ALCAM: variants seen among roughly 807,000 people sequenced by gnomAD.
ALCAM encodes CD166 antigen.
ALCAM carries 30 observed loss-of-function variants against 70.9 expected under a neutral mutation model. The observed-to-expected ratio is 0.42, with a 90% CI of 0.32 to 0.57. The LOEUF is 0.57. ALCAM is among the 20% of genes least tolerant of loss of function. The pLI is 0.11. For missense variants in ALCAM, 591 were observed against 695.1 expected, an observed-to-expected ratio of 0.85 and a Z score of 1.68; for synonymous variants, 249 against 242.5, an observed-to-expected ratio of 1.03 and a Z score of -0.25.
intron 1 of ALCAM, among the ~76,000 whole-genome samples, chr3:105,455,383 A>C (rs1362714635): frequency 6.6e-6 from 1 of 150,580 alleles, no homozygotes; most frequent in Non-Finnish European, 1.5e-5. Context: ...CGGAGCTTGC[A>C]GTGAGCCGAG....
chr3:105,423,143 G>T (rs1936709922), intron 1 of ALCAM, among the ~76,000 whole-genome samples: 1 of 151,344 alleles, frequency 6.6e-6, no homozygotes, highest in Non-Finnish European at 1.5e-5. Context: ...AGTCTTTAGA[G>T]TAAGAGTTTT....
chr3:105,561,257 C>T (rs575722869), intron 14 of ALCAM, among the ~76,000 whole-genome samples: 70 of 152,160 alleles, frequency 4.6e-4, no homozygotes, highest in African/African-American at 1.6e-3. Context: ...TACTAAATTA[C>T]CTTGTTAGTA....
At chr3:105,452,383 T>A (rs991489665) in intron 1 of ALCAM, among the ~76,000 whole-genome samples, 3 of 152,214 alleles carry the variant, frequency 2.0e-5, no homozygotes, top group Admixed American at 6.5e-5. Context: ...TTCATCCATG[T>A]CCCTGCAAAG....
intron 1 of ALCAM, among the ~76,000 whole-genome samples, chr3:105,459,368 G>A (rs1257115207): frequency 6.6e-6 from 1 of 152,070 alleles, no homozygotes; most frequent in African/African-American, 2.4e-5. Context: ...CATGGTGTTT[G>A]TAACTTTTTG....
At chr3:105,540,368 C>G (rs1940086701) in intron 7 of ALCAM, among the ~76,000 whole-genome samples, 1 of 151,914 alleles carries the variant, frequency 6.6e-6, no homozygotes, top group South Asian at 2.1e-4. Context: ...TCCAAATAAA[C>G]TTTAAGAATC....
intron 1 of ALCAM, among the ~76,000 whole-genome samples, chr3:105,410,948 A>T (rs1013725295): frequency 6.6e-6 from 1 of 152,050 alleles, no homozygotes; most frequent in African/African-American, 2.4e-5. Context: ...AAGGAATTCC[A>T]TATTTGGTTT....
chr3:105,407,270 A>T (rs866779877), intron 1 of ALCAM, among the ~76,000 whole-genome samples: 4 of 152,106 alleles, frequency 2.6e-5, no homozygotes, highest in Non-Finnish European at 5.9e-5. Flanking sequence ...CAACAACAAA[A>T]AAAAAACAAC....
At chr3:105,481,171 A>T (rs146063846) in intron 1 of ALCAM, among the ~76,000 whole-genome samples, 400 of 152,236 alleles carry the variant, frequency 2.6e-3, no homozygotes, top group Non-Finnish European at 3.6e-3. Flanking sequence ...TAAGGAAAAA[A>T]TTGGTGGGGT....
chr3:105,564,351 A>G (rs1276099186), intron 14 of ALCAM, among the ~76,000 whole-genome samples: 2 of 152,186 alleles, frequency 1.3e-5, no homozygotes, highest in African/African-American at 4.8e-5. Flanking sequence ...CTCACAACAC[A>G]CTGTCATTAT....
rs540191090 is a variant in ALCAM, at chr3:105,563,719, C to T, written c.1665-8133C>T. 3.4e-3 allele frequency among the ~76,000 whole-genome samples: 408 copies of T among 121,638 alleles called. 4 individuals are homozygous for T. Among genetic ancestry groups the T allele is most frequent in the Admixed American group, 6.2e-3 (66 of 10,648 alleles). The allele number at this position is 121,638 out of a possible 152,430, so 79.8% of individuals were successfully genotyped here. The stretch of plus-strand genomic sequence containing the variant: ...TTTTTGAGACGGAGTCTCGCTCTGT[C>T]GCCCAGGCCGGACTGCGGACTGCAG... On this transcript the variant is annotated intron_variant, in intron 14 of 15. Transcript: ENST00000306107.
rs1350043544 is a variant in ALCAM at position 105,524,378 on chromosome 3, C to T, written c.264C>T (p.Asp88=). Residue 88 remains aspartate (D), a synonymous_variant, in exon 3 of 16, where the codon GAC becomes GAT. Transcript: ENST00000306107. ...ACGACGATGTACCAGAATACAAAGA[C>T]AGATTGAACCTCTCAGAAAACTACA... ...VQYDDVPEYK[D]RLNLSENYTL... 4.3e-6 allele frequency: 7 copies of T among 1,613,990 alleles called. No individual in the cohort carries two copies. Among genetic ancestry groups the T allele is most frequent in the Admixed American group, 3.3e-5 (2 of 60,004 alleles).
At chr3:105,379,402 C>A (rs1455742006) in intron 1 of ALCAM, among the ~76,000 whole-genome samples, 1 of 151,502 alleles carries the variant, frequency 6.6e-6, no homozygotes, top group African/African-American at 2.4e-5. Flanking sequence ...TGTCAAGTAA[C>A]CTTTCAGTTT....
chr3:105,550,034 A>T, intron 11 of ALCAM, 93 bp from the exon 12 acceptor site: 1 of 1,223,026 alleles, frequency 8.2e-7, no homozygotes. Flanking sequence ...TCTATAGAGC[A>T]CCACGCCTAT....
At chr3:105,563,878 G>A (rs1187779086) in intron 14 of ALCAM, among the ~76,000 whole-genome samples, 1 of 148,892 alleles carries the variant, frequency 6.7e-6, no homozygotes, top group African/African-American at 2.5e-5. Flanking sequence ...TAGTAGAGAC[G>A]GGGTTTCACC....
intron 1 of ALCAM, among the ~76,000 whole-genome samples, chr3:105,423,432 C>A (rs1270885888): frequency 6.8e-6 from 1 of 147,526 alleles, no homozygotes; most frequent in East Asian, 2.0e-4. Context: ...TTGAATAATT[C>A]TTTAACTTTG....
intron 1 of ALCAM, among the ~76,000 whole-genome samples, chr3:105,439,922 G>T (rs1937135126): frequency 1.3e-5 from 2 of 152,300 alleles, no homozygotes; most frequent in African/African-American, 4.8e-5. Flanking sequence ...TATAACATAA[G>T]AGGAAAAGTG....
At chr3:105,449,697 G>A (rs1937380231) in intron 1 of ALCAM, among the ~76,000 whole-genome samples, 1 of 152,076 alleles carries the variant, frequency 6.6e-6, no homozygotes, top group South Asian at 2.1e-4. Context: ...AAGACTTTAT[G>A]TCAATGTCAA....
At chr3:105,523,460 T>G (rs183643056) in intron 2 of ALCAM, among the ~76,000 whole-genome samples, 2 of 152,366 alleles carry the variant, frequency 1.3e-5, no homozygotes, top group East Asian at 1.9e-4. Context: ...AAATTTGTCA[T>G]GGACTATAAC....
chr3:105,368,264 A>AGAGAG (rs1559767087), intron 1 of ALCAM, among the ~76,000 whole-genome samples: 54 of 142,096 alleles, frequency 3.8e-4, no homozygotes, highest in East Asian at 6.0e-4. Flanking sequence ...AGAGAGAGAG[A>AGAGAG]AAAGGCAAAA....
Sources: gnomAD v4.1 joint callset for allele counts (sites outside exome capture counted in the v4.1 genomes callset) on GRCh38, gnomAD v4.1.1 for gene constraint, MANE v1.5 for transcripts, NCBI Gene and HGNC (gene_info 2026-07-23, HGNC 2026-07-21) for gene names.